Variants in CACUL1 observed in about 807,000 individuals in gnomAD.
CACUL1 encodes CDK2-associated and cullin domain-containing protein 1.
Under a neutral mutation model 45.2 loss-of-function variants are expected in CACUL1, and 13 were observed. The observed-to-expected ratio is 0.29, with a 90% CI of 0.19 to 0.46. The LOEUF is 0.46. CACUL1 is among the 20% of genes least tolerant of loss of function. The probability of loss-of-function intolerance (pLI) is 1.00; values close to 1 mark genes in which losing one functional copy is unlikely to be tolerated. For missense variants in CACUL1, 421 were observed against 471.4 expected, an observed-to-expected ratio of 0.89 and a Z score of 0.99; for synonymous variants, 197 against 174.2, an observed-to-expected ratio of 1.13 and a Z score of -1.03.
At chr10:118,722,146 C>A (rs893769985) in intron 3 of CACUL1, among the ~76,000 whole-genome samples, 1 of 150,434 alleles carries the variant, frequency 6.6e-6, no homozygotes, top group Non-Finnish European at 1.5e-5. Context: ...TGCAATGGTG[C>A]GATCTCGGCT....
rs1845144438 is a variant in CACUL1 at position 118,680,666 on chromosome 10, TAC to T, written c.*5460_*5461del. 1 of 152,228 alleles carries T rather than the reference TAC, an allele frequency of 6.6e-6. No individual in the cohort carries two copies. The highest frequency in any genetic ancestry group is 2.4e-5 in the African/African-American group (1 of 41,464). The allele number at this position is 152,228 out of a possible 1,614,324, so 9.4% of individuals were successfully genotyped here. Reference sequence around the variant, plus strand: ...GATTAAAGGTCCACAGAAGAAACTGTACAGTGTTTAAAAAACAAAAACTACAA... The same window carrying T: ...GATTAAAGGTCCACAGAAGAAACTGTAGTGTTTAAAAAACAAAAACTACAA... On this transcript the variant is annotated 3_prime_UTR_variant, in exon 9 of 9. Transcript: ENST00000369151.
At chr10:118,719,135 G>A (rs1845575697) in intron 3 of CACUL1, among the ~76,000 whole-genome samples, 1 of 152,172 alleles carries the variant, frequency 6.6e-6, no homozygotes, top group Non-Finnish European at 1.5e-5. Flanking sequence ...AAAGATGGGA[G>A]AATTTCAGCA....
intron 6 of CACUL1, chr10:118,692,492 A>G (rs1052150775): frequency 1.3e-5 from 2 of 152,216 alleles, no homozygotes; most frequent in Admixed American, 1.3e-4. Flanking sequence ...ATTCAAGCTA[A>G]AATAAATATA....
chr10:118,729,224 T>A (rs1445452599), intron 3 of CACUL1, 71 bp downstream of exon 3: 2 of 908,756 alleles, frequency 2.2e-6, no homozygotes, highest in African/African-American at 3.3e-5. Context: ...TCCAAATGTG[T>A]ATTAGAAAAG....
chr10:118,722,989 T>C (rs1452900451), intron 3 of CACUL1, among the ~76,000 whole-genome samples: 1 of 152,210 alleles, frequency 6.6e-6, no homozygotes, highest in Non-Finnish European at 1.5e-5. Context: ...AAAGTAGGTA[T>C]GAGTGCAGAA....
At chr10:118,694,488 C>T (rs1036734317) in intron 6 of CACUL1, among the ~76,000 whole-genome samples, 4 of 152,184 alleles carry the variant, frequency 2.6e-5, no homozygotes, top group Non-Finnish European at 2.9e-5. Context: ...ATCCTGATAA[C>T]TTTTGTAATC....
rs1845142288 is a variant in CACUL1 at position 118,680,489 on chromosome 10, C to T, written c.*5639G>A. ...GACAATACTGTAGGAAAGGACACCT[C>T]TACAGAGATAGCAAGAGAAACTAAA... On this transcript the variant is annotated 3_prime_UTR_variant, in exon 9 of 9. Coordinates refer to ENST00000369151, the MANE Select transcript of CACUL1 (RefSeq NM_153810.5). 1 of 152,100 alleles carries T rather than the reference C, an allele frequency of 6.6e-6. No individual in the cohort carries two copies. The allele number at this position is 152,100 out of a possible 1,614,324, so 9.4% of individuals were successfully genotyped here. A position where few individuals can be genotyped will look rare whatever the true frequency, so the allele number is the denominator to read the frequency against.
At chr10:118,712,300 T>C (rs1157788825) in intron 3 of CACUL1, among the ~76,000 whole-genome samples, 1 of 152,146 alleles carries the variant, frequency 6.6e-6, no homozygotes, top group Admixed American at 6.5e-5. Context: ...CAGTACGTGG[T>C]GGTGCCTGGA....
chr10:118,721,218 C>A (rs1845597174), intron 3 of CACUL1, among the ~76,000 whole-genome samples: 2 of 152,136 alleles, frequency 1.3e-5, no homozygotes, highest in South Asian at 4.1e-4. Flanking sequence ...ACCCACTGGA[C>A]AAAAAATAAA....
intron 7 of CACUL1, among the ~76,000 whole-genome samples, chr10:118,687,658 C>T (rs1564827153): frequency 1.3e-5 from 2 of 152,158 alleles, no homozygotes; most frequent in Admixed American, 6.5e-5. Flanking sequence ...TTTCCCACTA[C>T]AGTTAAAAAT....
chr10:118,753,868 C>T (rs181252686), intron 1 of CACUL1, among the ~76,000 whole-genome samples: 149 of 152,330 alleles, frequency 9.8e-4, no homozygotes, highest in African/African-American at 3.4e-3. Context: ...AAGTGTAACA[C>T]AGTAGAGAAG....
chr10:118,690,373 A>G (rs1254324817), intron 7 of CACUL1, among the ~76,000 whole-genome samples: 5 of 151,928 alleles, frequency 3.3e-5, no homozygotes, highest in Non-Finnish European at 5.9e-5. Flanking sequence ...TGTGACCTTA[A>G]ATGATTTGCT....
intron 1 of CACUL1, among the ~76,000 whole-genome samples, chr10:118,750,963 T>C (rs1489815682): frequency 6.6e-6 from 1 of 152,268 alleles, no homozygotes; most frequent in African/African-American, 2.4e-5. Flanking sequence ...CAAGCATTTA[T>C]CCTTTGTTTT....
intron 4 of CACUL1, among the ~76,000 whole-genome samples, chr10:118,702,175 G>C (rs1328702353): frequency 6.6e-6 from 1 of 152,096 alleles, no homozygotes; most frequent in African/African-American, 2.4e-5. Context: ...GCCCACCACA[G>C]AACAACCCCT....
chr10:118,709,907 T>A (rs914968209), intron 3 of CACUL1, among the ~76,000 whole-genome samples: 12 of 148,666 alleles, frequency 8.1e-5, no homozygotes, highest in Non-Finnish European at 1.8e-4. Context: ...TAAATTATTA[T>A]TTTTTTTTGT....
At chr10:118,730,433 A>G in intron 1 of CACUL1, 23 bp from the exon 2 acceptor site, 1 of 1,583,512 alleles carries the variant, frequency 6.3e-7, no homozygotes, top group Non-Finnish European at 8.6e-7. Flanking sequence ...AGTAAAATAA[A>G]TATTACTACG....
intron 3 of CACUL1, among the ~76,000 whole-genome samples, chr10:118,722,386 G>A (rs1845609881): frequency 6.6e-6 from 1 of 152,088 alleles, no homozygotes; most frequent in Non-Finnish European, 1.5e-5. Flanking sequence ...ACCGCACCCA[G>A]CCACAATTCT....
Position 118,679,340 on chromosome 10 carries a change from C to A in CACUL1, c.*6788G>T, listed in dbSNP as rs1845129647. 1 of 152,144 alleles carries A rather than the reference C, an allele frequency of 6.6e-6. No individual in the cohort carries two copies. Among genetic ancestry groups the A allele is most frequent in the African/African-American group, 2.4e-5 (1 of 41,412 alleles). The allele number at this position is 152,144 out of a possible 1,614,324, so 9.4% of individuals were successfully genotyped here. On this transcript the variant is annotated 3_prime_UTR_variant, in exon 9 of 9. Transcript: ENST00000369151. ...TGAGCCACCCAAGCAGCTGGGATTA[C>A]AGGTGTATGCCACCATGCCTAATTT...
chr10:118,754,252 A>T, intron 1 of CACUL1, 144 bp downstream of exon 1: 1 of 1,236,442 alleles, frequency 8.1e-7, no homozygotes, highest in Non-Finnish European at 1.1e-6. Context: ...AGGGGGAAGG[A>T]GGCAGGGAGG....
Sources: allele counts gnomAD v4.1 joint callset (sites outside exome capture counted in the v4.1 genomes callset), GRCh38; gene constraint gnomAD v4.1.1; transcripts MANE v1.5; gene names NCBI Gene and HGNC (gene_info 2026-07-23, HGNC 2026-07-21).